Variants in CEP83 observed in about 807,000 individuals in gnomAD.
CEP83 encodes centrosomal protein of 83 kDa.
Under a neutral mutation model 101.9 loss-of-function variants are expected in CEP83, and 70 were observed. The observed-to-expected ratio is 0.69, with a 90% confidence interval of 0.57 to 0.84. The LOEUF is 0.84. Among genes scored for constraint, CEP83 ranks in the 40% least tolerant of loss-of-function variants. CEP83 has a pLI of 0.00. For synonymous variants in CEP83, 264 were observed against 267.9 expected (o/e 0.99, Z 0.14); for missense variants, 715 against 787.2 (o/e 0.91, Z 1.10).
At chr12:94,307,681 TC>T (rs1593045336), downstream of CEP83, 7 of 90,580 alleles carry the variant, frequency 7.7e-5, no homozygotes, top group Non-Finnish European at 1.2e-4. Flanking sequence ...CTGTGGACTG[TC>T]TTTTTTTTTT....
the CEP83 span, among the ~76,000 whole-genome samples, chr12:94,292,378 C>A: frequency 6.6e-6 from 1 of 152,008 alleles, no homozygotes; most frequent in East Asian, 1.9e-4. Flanking sequence ...GGTGGTTATG[C>A]CAGTATATAT....
intron 11 of CEP83, among the ~76,000 whole-genome samples, chr12:94,344,095 T>A (rs1481661463): frequency 6.6e-6 from 1 of 152,192 alleles, no homozygotes; most frequent in East Asian, 1.9e-4. Flanking sequence ...AATACCTTAA[T>A]CTATGACTTC....
the CEP83 span, among the ~76,000 whole-genome samples, chr12:94,268,971 G>A: frequency 0.12 from 18,049 of 152,034 alleles, 1,282 homozygotes; most frequent in African/African-American, 0.19. Flanking sequence ...TGTTGATGGA[G>A]TATCTCAGAC....
chr12:94,293,082 A>C, the CEP83 span, among the ~76,000 whole-genome samples: 1 of 152,194 alleles, frequency 6.6e-6, no homozygotes, highest in Admixed American at 6.5e-5. Flanking sequence ...ATGTAAATGG[A>C]ATCAGTCAGT....
chr12:94,299,873 T>TG, the CEP83 span, among the ~76,000 whole-genome samples: 1 of 152,164 alleles, frequency 6.6e-6, no homozygotes, highest in Non-Finnish European at 1.5e-5. Flanking sequence ...TCTAGCCTCT[T>TG]ATCTCCAGTC....
chr12:94,271,841 A>G, the CEP83 span, among the ~76,000 whole-genome samples: 1 of 152,260 alleles, frequency 6.6e-6, no homozygotes, highest in East Asian at 1.9e-4. Flanking sequence ...TTGGTTGGTT[A>G]TTTATTGATG....
At chr12:94,297,145 T>C in the CEP83 span, 1 of 1,609,828 alleles carries the variant, frequency 6.2e-7, no homozygotes, top group Non-Finnish European at 8.5e-7. Context: ...CATGGTTGCT[T>C]TTTTTAATGG....
intron 6 of CEP83, among the ~76,000 whole-genome samples, chr12:94,389,762 C>T (rs1295869163): frequency 1.3e-5 from 2 of 152,202 alleles, no homozygotes; most frequent in African/African-American, 4.8e-5. Flanking sequence ...GACACTCCTG[C>T]CCAAATACTG....
At chr12:94,270,329 C>T in the CEP83 span, among the ~76,000 whole-genome samples, 1 of 152,214 alleles carries the variant, frequency 6.6e-6, no homozygotes, top group Non-Finnish European at 1.5e-5. Flanking sequence ...TGCTTTCCTG[C>T]TACAGTGCAG....
chr12:94,400,850 C>T lies in CEP83; in HGVS notation c.549G>A (p.Glu183=). ...LDEGKIKYES[E]IARLEEDKEE... ...GAAACTCGTATAATCAATCACTTAC[C>T]TCTGATTCATATTTTATTTTTCCTT... Residue 183 remains glutamate, a splice_region_variant and synonymous_variant, in exon 6 of 17, where the codon GAG becomes GAA. Coordinates refer to ENST00000397809, the MANE Select transcript of CEP83 (RefSeq NM_016122.3). The T allele has an allele frequency of 1.4e-6, 2 of 1,454,824 alleles. No individual in the cohort carries two copies. Among genetic ancestry groups the T allele is most frequent in the Non-Finnish European group, 1.8e-6 (2 of 1,097,016 alleles). 90.1% of individuals were successfully genotyped at this position (1,454,824 alleles called of 1,614,324 possible). A position where few individuals can be genotyped will look rare whatever the true frequency, so the allele number is the denominator to read the frequency against.
the CEP83 span, among the ~76,000 whole-genome samples, chr12:94,292,040 A>G: frequency 6.6e-6 from 1 of 152,354 alleles, no homozygotes; most frequent in Non-Finnish European, 1.5e-5. Context: ...TCCATGCTGT[A>G]GCATGTATCG....
chr12:94,452,666 T>G (rs568800594), intron 1 of CEP83, among the ~76,000 whole-genome samples: 2 of 152,204 alleles, frequency 1.3e-5, no homozygotes, highest in East Asian at 3.9e-4. Context: ...ATATCATCCA[T>G]AGAGGAAGAT....
At chr12:94,385,950 T>TA (rs2062120134) in intron 6 of CEP83, among the ~76,000 whole-genome samples, 2 of 152,234 alleles carry the variant, frequency 1.3e-5, no homozygotes, top group South Asian at 4.1e-4. Flanking sequence ...AGTACAGTGA[T>TA]ATGCTTTACA....
Sources: gnomAD v4.1 joint callset for allele counts (sites outside exome capture counted in the v4.1 genomes callset) on GRCh38, gnomAD v4.1.1 for gene constraint, MANE v1.5 for transcripts, NCBI Gene and HGNC (gene_info 2026-07-23, HGNC 2026-07-21) for gene names.